BAHCC1: variants seen among roughly 807,000 people sequenced by gnomAD.
BAHCC1 encodes the protein BAH and coiled-coil domain-containing protein 1.
Under a neutral mutation model 88.2 loss-of-function variants are expected in BAHCC1, and 43 were observed. The ratio of observed to expected loss-of-function variants is 0.49; its 90% CI spans 0.38 to 0.63. BAHCC1 has a LOEUF of 0.63. BAHCC1 is among the 20% of genes least tolerant of loss of function. The pLI, the probability that BAHCC1 is intolerant of heterozygous loss-of-function variation, is 0.00. For missense variants in BAHCC1, 3,023 were observed against 1,654.8 expected, an observed-to-expected ratio of 1.83 and a Z score of -14.34; for synonymous variants, 1,510 against 745.5, an observed-to-expected ratio of 2.03 and a Z score of -16.71.
Position 81,458,864 on chromosome 17 carries a change from G to C in BAHCC1, c.5500G>C (p.Asp1834His). 2 of 773,696 alleles carry C rather than the reference G, an allele frequency of 2.6e-6. No homozygotes were observed. The highest frequency in any genetic ancestry group is 4.8e-6 in the Non-Finnish European group (2 of 413,592). The allele number at this position is 773,696 out of a possible 1,614,324, so 47.9% of individuals were successfully genotyped here. A position where few individuals can be genotyped will look rare whatever the true frequency, so the allele number is the denominator to read the frequency against. Residue 1834 changes from aspartate (D) to histidine (H), a missense_variant, in exon 20 of 28, where the codon GAC becomes CAC. Transcript: ENST00000675386. Reference protein sequence around the residue: ...RLLESFAVEEDFEFDDNSSFS... With the variant: ...RLLESFAVEEHFEFDDNSSFS... ...GCTGGAAAGCTTCGCCGTGGAGGAA[G>C]ACTTTGAGTTCGACGACAACAGCAG...
chr17:81,416,286 A>T, intron 2 of BAHCC1, among the ~76,000 whole-genome samples: 1 of 68,098 alleles, frequency 1.5e-5, no homozygotes, highest in African/African-American at 5.8e-5. Flanking sequence ...GTGTATGTGC[A>T]TATGTGTGTG....
intron 1 of BAHCC1, chr17:81,397,005 G>A: frequency 6.6e-6 from 1 of 152,292 alleles, no homozygotes; most frequent in Non-Finnish European, 1.5e-5. Flanking sequence ...TCGGCGGGTG[G>A]CGGCGTCGCC....
rs782201365 is a variant in BAHCC1 at position 81,456,480 on chromosome 17, G to A, written c.4753G>A (p.Ala1585Thr). 9 of 720,804 alleles carry A rather than the reference G, an allele frequency of 1.2e-5. No homozygotes were observed. The highest frequency in any genetic ancestry group is 2.1e-5 in the Non-Finnish European group (8 of 387,246). The allele number at this position is 720,804 out of a possible 1,614,324, so 44.7% of individuals were successfully genotyped here. ...GGAGAAGCTGTCCCGAGCCAAGAGTGCCAAGGTGTCTGGGGCCACACGGCA... is the reference window on the plus strand; with the variant it reads ...GGAGAAGCTGTCCCGAGCCAAGAGTACCAAGGTGTCTGGGGCCACACGGCA... ...IREKLSRAKS[A>T]KVSGATRHPQ... Residue 1585 changes from alanine to threonine, a missense_variant, in exon 16 of 28, where the codon GCC becomes ACC. Transcript: ENST00000675386.
At position 81,435,978 on chromosome 17, in the gene BAHCC1, AGG is replaced by A. The variant is rs2064330204; in HGVS notation, c.359-2389_359-2388del. Among the ~76,000 whole-genome samples, 1 of 152,196 alleles carries A rather than the reference AGG, an allele frequency of 6.6e-6. No homozygotes were observed. Among genetic ancestry groups the A allele is most frequent in the Admixed American group, 6.5e-5 (1 of 15,286 alleles). On this transcript the variant is annotated intron_variant, in intron 3 of 27. Coordinates refer to ENST00000675386, the MANE Select transcript of BAHCC1 (RefSeq NM_001377448.1). The surrounding 1 kb of genome is among the most constrained non-coding windows in gnomAD (Gnocchi z 4.4). ...AGTATGGTCTTATTGGGAAAAAGAA[AGG>A]GGCTTTCTGTCGCTGGGCTGGGAGG...
Position 81,399,612 on chromosome 17 carries a change from GC to G in BAHCC1, c.-124del. On this transcript the variant is annotated 5_prime_UTR_variant, in exon 2 of 28. Coordinates refer to ENST00000675386, the MANE Select transcript of BAHCC1 (RefSeq NM_001377448.1). This position sits in a 1 kb window ranked among gnomAD's most constrained non-coding sequence, Gnocchi z 4.5. The stretch of plus-strand genomic sequence containing the variant: ...GCCCAGTCCTCCCGCGTGCTGACCG[GC>G]CCCGCCGCCACCACCGCCTGTGACC... 1 of 573,622 alleles carries G rather than the reference GC, an allele frequency of 1.7e-6. No homozygotes were observed. The highest frequency in any genetic ancestry group is 2.0e-5 in the South Asian group (1 of 50,364). The allele number at this position is 573,622 out of a possible 1,614,324, so 35.5% of individuals were successfully genotyped here.
At position 81,442,146 on chromosome 17, in the gene BAHCC1, GC is replaced by G. The variant is rs1555652668; in HGVS notation, c.801del (p.Ala268HisfsTer32). The G allele has an allele frequency of 4.6e-6, 3 of 658,070 alleles. No individual in the cohort carries two copies. The highest frequency in any genetic ancestry group is 1.9e-5 in the African/African-American group (1 of 53,250). The allele number at this position is 658,070 out of a possible 1,614,324, so 40.8% of individuals were successfully genotyped here. A position where few individuals can be genotyped will look rare whatever the true frequency, so the allele number is the denominator to read the frequency against. ...VPADGHCREGGPAPRGACEGR... is the reference protein window; with the variant it reads ...VPADGHCREGXPAPRGACEGR... The stretch of plus-strand genomic sequence containing the variant: ...GCCGACGGGCACTGCAGGGAGGGCG[GC>G]CCCGCACCCCGAGGGGCCTGCGAGG... On this transcript the variant is annotated frameshift_variant, in exon 5 of 28. Coordinates refer to ENST00000675386, the MANE Select transcript of BAHCC1 (RefSeq NM_001377448.1). LOFTEE classifies it high-confidence loss of function.
intron 17 of BAHCC1, 76 bp downstream of exon 17, chr17:81,457,668 G>A (rs2064775208): frequency 7.9e-6 from 5 of 636,040 alleles, no homozygotes; most frequent in Admixed American, 2.5e-5. Context: ...CAGGAGGGAG[G>A]GCAGGGGTTG....
At position 81,461,622 on chromosome 17, in the gene BAHCC1, C is replaced by T. The variant is rs782776016; in HGVS notation, c.6959C>T (p.Ser2320Phe). 1 of 739,674 alleles carries T rather than the reference C, an allele frequency of 1.4e-6. No homozygotes were observed. Among genetic ancestry groups the T allele is most frequent in the Non-Finnish European group, 2.5e-6 (1 of 397,706 alleles). The allele number at this position is 739,674 out of a possible 1,614,324, so 45.8% of individuals were successfully genotyped here. A position where few individuals can be genotyped will look rare whatever the true frequency, so the allele number is the denominator to read the frequency against. Residue 2320 changes from serine (S) to phenylalanine (F), a missense_variant, in exon 26 of 28, where the codon TCC becomes TTC. Physicochemically the swap from Ser to Phe is radical, Grantham distance 155. Transcript: ENST00000675386. Reference sequence around the variant, plus strand: ...GCCCGCCTGTCCGTGTCCTCTTCCTCCTCTGGCTCGTCCACCTCCTCCTCC... The same window carrying T: ...GCCCGCCTGTCCGTGTCCTCTTCCTTCTCTGGCTCGTCCACCTCCTCCTCC... ...FLARLSVSSS[S>F]SGSSTSSSSG...
intron 2 of BAHCC1, among the ~76,000 whole-genome samples, chr17:81,417,555 A>AC (rs58215427): frequency 0.15 from 20,049 of 129,832 alleles, 1,515 homozygotes; most frequent in African/African-American, 0.21. Flanking sequence ...AGCGTCGGCC[A>AC]CCCCCCCCCC....
intron 11 of BAHCC1, 30 bp from the exon 12 acceptor site, chr17:81,451,638 T>C (rs782561463): frequency 3.9e-6 from 3 of 765,228 alleles, no homozygotes; most frequent in Admixed American, 3.4e-5. Context: ...TGCCCAGTTA[T>C]GCCCATGCTG....
rs372020196 is a variant in BAHCC1, at chr17:81,438,334, G to C, written c.359-36G>C. 143 of 776,828 alleles carry C rather than the reference G, an allele frequency of 1.8e-4. 1 individual carries two copies. Among genetic ancestry groups the C allele is most frequent in the African/African-American group, 1.7e-3 (100 of 59,218 alleles). 48.1% of individuals were successfully genotyped at this position (776,828 alleles called of 1,614,324 possible). ...GGGCGAGTGTGGGCCAGGGGGCTGG[G>C]AGTTGCCTCTGCAACTGGGTCTCTT... On this transcript the variant is annotated intron_variant, in intron 3 of 27. Transcript: ENST00000675386.
rs2063983272 is a variant in BAHCC1 at position 81,413,592 on chromosome 17, C to T, written c.179-13208C>T. On this transcript the variant is annotated intron_variant, in intron 2 of 27. Transcript: ENST00000675386. ...TATCGTCTCAGCACCTGTGGGAGGTCCGTTCCCAGACGTCCTGCCTTGGTG... is the reference window on the plus strand; with the variant it reads ...TATCGTCTCAGCACCTGTGGGAGGTTCGTTCCCAGACGTCCTGCCTTGGTG... Among the ~76,000 whole-genome samples, 3 of 152,250 alleles carry T rather than the reference C, an allele frequency of 2.0e-5. No homozygotes were observed. The South Asian group carries it at 6.2e-4, about 31-fold the overall frequency.
chr17:81,397,832 A>G (rs1439688517), intron 1 of BAHCC1, among the ~76,000 whole-genome samples: 1 of 152,376 alleles, frequency 6.6e-6, no homozygotes, highest in East Asian at 1.9e-4. Context: ...GTTGCCAGAC[A>G]AAGAGAACTC....
intron 26 of BAHCC1, 146 bp downstream of exon 26, chr17:81,462,192 A>AGACCCATCCAT: frequency 1.7e-6 from 1 of 593,596 alleles, no homozygotes; most frequent in Admixed American, 3.0e-5. Flanking sequence ...GGAAGAACAA[A>AGACCCATCCAT]GACCCATCCA....
chr17:81,410,920 C>T (rs1361832226), intron 2 of BAHCC1, among the ~76,000 whole-genome samples: 4 of 152,112 alleles, frequency 2.6e-5, no homozygotes, highest in Non-Finnish European at 4.4e-5. Flanking sequence ...GATGGCCGCT[C>T]ATCAAACACT....
At chr17:81,462,626 A>G (rs1196607777) in intron 26 of BAHCC1, 114 bp from the exon 27 acceptor site, 7 of 628,848 alleles carry the variant, frequency 1.1e-5, no homozygotes, top group Non-Finnish European at 2.0e-5. Context: ...CGCCCTGCAC[A>G]CTCACACTCA....
chr17:81,443,820 C>T lies in BAHCC1; in HGVS notation c.2227C>T (p.Pro743Ser). Residue 743 changes from proline to serine, a missense_variant, in exon 6 of 28, where the codon CCC becomes TCC. Coordinates refer to ENST00000675386, the MANE Select transcript of BAHCC1 (RefSeq NM_001377448.1). Reference sequence around the variant, plus strand: ...TCGACCCTGTGCAGGTGGCGGTGGGCCCCGTTCCACACACGCGCTGGACCT... The same window carrying T: ...TCGACCCTGTGCAGGTGGCGGTGGGTCCCGTTCCACACACGCGCTGGACCT... ...AAPAFKGGGG[P>S]RSTHALDLEA... is the part of the protein sequence containing the mutation. The T allele has an allele frequency of 1.4e-6, 1 of 711,744 alleles. No homozygotes were observed. 44.1% of individuals were successfully genotyped at this position (711,744 alleles called of 1,614,324 possible).
rs1555653815 is a variant in BAHCC1, at chr17:81,444,660, C to T, written c.2513-8C>T. ...CGAGGCCTGACCACTGTGCCCTCTG[C>T]CTCCCAGGCCTGGGGCACCCTGCCC... On this transcript the variant is annotated splice_polypyrimidine_tract_variant and splice_region_variant and intron_variant, in intron 7 of 27. Coordinates refer to ENST00000675386, the MANE Select transcript of BAHCC1 (RefSeq NM_001377448.1). 2.6e-6 allele frequency: 2 copies of T among 770,816 alleles called. No individual in the cohort carries two copies. The highest frequency in any genetic ancestry group is 2.7e-5 in the South Asian group (2 of 74,460). 47.7% of individuals were successfully genotyped at this position (770,816 alleles called of 1,614,324 possible). A position where few individuals can be genotyped will look rare whatever the true frequency, so the allele number is the denominator to read the frequency against.
At chr17:81,451,567 T>G in intron 11 of BAHCC1, 101 bp from the exon 12 acceptor site, 1 of 631,628 alleles carries the variant, frequency 1.6e-6, no homozygotes, top group Admixed American at 2.4e-5. Flanking sequence ...ATCCCGGTCT[T>G]CAAGGCTGGG....
Sources: gnomAD v4.1 joint callset for allele counts (sites outside exome capture counted in the v4.1 genomes callset) on GRCh38, gnomAD v4.1.1 for gene constraint, Gnocchi (gnomAD v3.1) non-coding constraint, MANE v1.5 for transcripts, NCBI Gene and HGNC (gene_info 2026-07-23, HGNC 2026-07-21) for gene names.